Variants in UCHL5 observed in about 807,000 individuals in gnomAD.
UCHL5 encodes the protein ubiquitin C-terminal hydrolase L5.
Under a neutral mutation model 53.8 loss-of-function variants are expected in UCHL5, and 34 were observed. That is an observed-to-expected ratio of 0.63 (90% CI 0.48 to 0.84). The LOEUF (loss-of-function observed/expected upper bound fraction) is 0.84, where lower values mean the gene tolerates loss of function less well. Among genes scored for constraint, UCHL5 ranks in the 40% least tolerant of loss-of-function variants. UCHL5 has a pLI of 0.00. For synonymous variants in UCHL5, 111 were observed against 126.3 expected, an observed-to-expected ratio of 0.88 and a Z score of 0.81; for missense variants, 290 against 385.6, an observed-to-expected ratio of 0.75 and a Z score of 2.08.
chr1:193,035,480 G>T lies in UCHL5; in HGVS notation c.247-5823C>A, dbSNP rs555187558. Among the ~76,000 whole-genome samples, 5 of 151,848 alleles carry T rather than the reference G, an allele frequency of 3.3e-5. No individual in the cohort carries two copies. In the South Asian group the frequency reaches 1.0e-3, roughly 32 times the overall value. ...AGAAGAAAAAAAAAACACCATCCAA[G>T]AATACTCTCTCCAGCAAAGCTATCC... On this transcript the variant is annotated intron_variant, in intron 3 of 10. Transcript: ENST00000367454.
rs1347446910 is a variant in UCHL5 at position 193,013,392 on chromosome 1, G to A, written c.*2959C>T. 6.6e-6 allele frequency: 1 copy of A among 152,048 alleles called. No individual in the cohort carries two copies. Among genetic ancestry groups the A allele is most frequent in the Non-Finnish European group, 1.5e-5 (1 of 68,002 alleles). The allele number at this position is 152,048 out of a possible 1,614,324, so 9.4% of individuals were successfully genotyped here. Reference sequence around the variant, plus strand: ...GCATTCCTCTTCAAATAGCTAGAGTGGTTTGTTTCCTGAAAATTTGTATAT... The same window carrying A: ...GCATTCCTCTTCAAATAGCTAGAGTAGTTTGTTTCCTGAAAATTTGTATAT... On this transcript the variant is annotated 3_prime_UTR_variant, in exon 11 of 11. Coordinates refer to ENST00000367454, the MANE Select transcript of UCHL5 (RefSeq NM_001199261.3).
At chr1:193,051,476 T>TA (rs375074775) in intron 2 of UCHL5, among the ~76,000 whole-genome samples, 27,299 of 119,596 alleles carry the variant, frequency 0.23, 2,942 homozygotes, top group Middle Eastern at 0.31. Flanking sequence ...GTGAATTTTG[T>TA]AAAAAAAAAA....
chr1:193,027,524 A>G lies in UCHL5; in HGVS notation c.629+561T>C, dbSNP rs1307143313. ...ACATGGTGAAACCCCACCTCTACTG[A>G]AAATACAAAAATTAGCCGGGTGTGG... On this transcript the variant is annotated intron_variant, in intron 7 of 10. Transcript: ENST00000367454. Among the ~76,000 whole-genome samples the G allele has an allele frequency of 3.3e-5, 5 of 151,962 alleles. No homozygotes were observed. In the East Asian group the frequency reaches 9.7e-4, roughly 29 times the overall value.
chr1:193,051,842 A>G, intron 1 of UCHL5, 25 bp from the exon 2 acceptor site: 2 of 1,525,536 alleles, frequency 1.3e-6, no homozygotes, highest in Non-Finnish European at 1.8e-6. Context: ...TATTTTCTTC[A>G]GTAAACAGGA....
chr1:193,044,340 G>T (rs1056074635), intron 3 of UCHL5, among the ~76,000 whole-genome samples: 5 of 152,042 alleles, frequency 3.3e-5, no homozygotes, highest in African/African-American at 1.2e-4. Context: ...CTGAACACAT[G>T]GAGTCACACA....
upstream of UCHL5, chr1:193,059,864 C>A (rs957421399): frequency 2.2e-6 from 3 of 1,363,994 alleles, no homozygotes; most frequent in African/African-American, 4.4e-5. The surrounding 1 kb of genome is among the most constrained non-coding windows in gnomAD (Gnocchi z 4.9). Context: ...GTCTCTCACC[C>A]GCATCCCAGG....
At chr1:193,043,622 C>T (rs914461059) in intron 3 of UCHL5, among the ~76,000 whole-genome samples, 2 of 146,036 alleles carry the variant, frequency 1.4e-5, no homozygotes, top group African/African-American at 4.9e-5. Flanking sequence ...CACTGATAGT[C>T]TAATAATGTG....
chr1:193,031,754 CT>C (rs1422689795), intron 3 of UCHL5, among the ~76,000 whole-genome samples: 4 of 152,138 alleles, frequency 2.6e-5, no homozygotes, highest in Admixed American at 1.3e-4. Context: ...AGATGTGGTC[CT>C]TGTCCTCCTA....
chr1:193,058,275 T>C (rs1232746439), intron 1 of UCHL5, among the ~76,000 whole-genome samples: 14 of 152,094 alleles, frequency 9.2e-5, no homozygotes, highest in Admixed American at 7.9e-4. Context: ...GCCTGAGATA[T>C]AGAAGATGAA....
intron 3 of UCHL5, among the ~76,000 whole-genome samples, chr1:193,035,103 C>T (rs568039447): frequency 1.3e-5 from 2 of 151,690 alleles, no homozygotes; most frequent in East Asian, 1.9e-4. Context: ...ATTATTTATA[C>T]CTGATATGGT....
chr1:193,037,862 T>TGCACA (rs1390096522), intron 3 of UCHL5, among the ~76,000 whole-genome samples: 1 of 142,358 alleles, frequency 7.0e-6, no homozygotes, highest in Non-Finnish European at 1.5e-5. Context: ...CTGCACGTTG[T>TGCACA]GCACATGTAC....
At chr1:193,036,798 A>G (rs1399508219) in intron 3 of UCHL5, among the ~76,000 whole-genome samples, 2 of 152,124 alleles carry the variant, frequency 1.3e-5, no homozygotes, top group African/African-American at 4.8e-5. Context: ...AAAATAACAT[A>G]CCAAGTTTCT....
In UCHL5 at chr1:193,059,283, G is replaced by A. The variant is rs1354269941; in HGVS notation, c.-23C>T. On this transcript the variant is annotated 5_prime_UTR_variant, in exon 1 of 11. Coordinates refer to ENST00000367454, the MANE Select transcript of UCHL5 (RefSeq NM_001199261.3). This position sits in a 1 kb window ranked among gnomAD's most constrained non-coding sequence, Gnocchi z 4.9. ...CATGGCCCTGGCCACACACCGCCCCGATCCACCTCTCGCTCTCAGCTGCCC... is the reference window on the plus strand; with the variant it reads ...CATGGCCCTGGCCACACACCGCCCCAATCCACCTCTCGCTCTCAGCTGCCC... 12 of 1,613,226 alleles carry A rather than the reference G, an allele frequency of 7.4e-6. No individual in the cohort carries two copies. The highest frequency in any genetic ancestry group is 2.2e-5 in the East Asian group (1 of 44,874).
Position 193,033,091 on chromosome 1 carries a change from A to G in UCHL5, c.247-3434T>C, listed in dbSNP as rs1012116065. Reference sequence around the variant, plus strand: ...AAACATGCACATGTATGTTTATTGCAGTATTGTTCACAATAGCAAAGACTT... The same window carrying G: ...AAACATGCACATGTATGTTTATTGCGGTATTGTTCACAATAGCAAAGACTT... On this transcript the variant is annotated intron_variant, in intron 3 of 10. Coordinates refer to ENST00000367454, the MANE Select transcript of UCHL5 (RefSeq NM_001199261.3). Among the ~76,000 whole-genome samples, 7 of 152,356 alleles carry G rather than the reference A, an allele frequency of 4.6e-5. No individual in the cohort carries two copies. In the South Asian group the frequency reaches 1.5e-3, roughly 32 times the overall value.
intron 1 of UCHL5, among the ~76,000 whole-genome samples, chr1:193,055,229 A>G (rs527608263): frequency 2.0e-5 from 3 of 152,080 alleles, no homozygotes; most frequent in South Asian, 2.1e-4. Flanking sequence ...GAAGACAGAG[A>G]CAGCACCTTT....
intron 1 of UCHL5, among the ~76,000 whole-genome samples, chr1:193,055,228 G>A (rs1367500072): frequency 6.6e-6 from 1 of 151,972 alleles, no homozygotes; most frequent in Admixed American, 6.5e-5. Context: ...GGAAGACAGA[G>A]ACAGCACCTT....
intron 9 of UCHL5, 62 bp from the exon 10 acceptor site, chr1:193,021,257 T>C (rs1423597840): frequency 9.0e-7 from 1 of 1,106,332 alleles, no homozygotes; most frequent in Non-Finnish European, 1.4e-6. Flanking sequence ...TTTTATTCTT[T>C]GCATCCAACT....
At chr1:193,017,749 T>G (rs961682128) in intron 10 of UCHL5, among the ~76,000 whole-genome samples, 1 of 151,510 alleles carries the variant, frequency 6.6e-6, no homozygotes, top group Non-Finnish European at 1.5e-5. Context: ...ATACATTTAT[T>G]AAAATTAAAA....
rs1358166016 is a variant in UCHL5, at chr1:193,012,918, G to A, written c.*3433C>T. The A allele has an allele frequency of 6.6e-6, 1 of 152,150 alleles. No individual in the cohort carries two copies. The highest frequency in any genetic ancestry group is 1.9e-4 in the East Asian group (1 of 5,200). 9.4% of individuals were successfully genotyped at this position (152,150 alleles called of 1,614,324 possible). On this transcript the variant is annotated 3_prime_UTR_variant, in exon 11 of 11. Coordinates refer to ENST00000367454, the MANE Select transcript of UCHL5 (RefSeq NM_001199261.3). ...ATAAAAAGTGCCCAGTATGCTAGAA[G>A]TGGTGAATCTTTACCATGTCAGTCA...
Sources: gnomAD v4.1 joint callset for allele counts (sites outside exome capture counted in the v4.1 genomes callset) on GRCh38, gnomAD v4.1.1 for gene constraint, Gnocchi (gnomAD v3.1) non-coding constraint, MANE v1.5 for transcripts, NCBI Gene and HGNC (gene_info 2026-07-23, HGNC 2026-07-21) for gene names.